Variants in PHACTR1 observed in about 807,000 individuals in gnomAD.
The protein encoded by PHACTR1 is phosphatase and actin regulator 1.
A neutral mutation model predicts 69.2 loss-of-function variants in PHACTR1; 16 were observed. That is an observed-to-expected ratio of 0.23 (90% CI 0.16 to 0.35). The LOEUF (loss-of-function observed/expected upper bound fraction) is 0.35. Among genes scored for constraint, PHACTR1 ranks in the 10% least tolerant of loss-of-function variants. PHACTR1 has a pLI of 1.00. For missense variants in PHACTR1, 510 were observed against 734.7 expected (o/e 0.69, Z 3.54); for synonymous variants, 312 against 284.5 (o/e 1.10, Z -0.97).
chr6:12,803,732 G>C (rs546519903), intron 4 of PHACTR1, among the ~76,000 whole-genome samples: 36 of 152,302 alleles, frequency 2.4e-4, no homozygotes, highest in African/African-American at 7.9e-4. Flanking sequence ...TTTGGTGAAG[G>C]AGTGGAGCTG....
At chr6:12,915,147 G>A (rs1290943749) in intron 4 of PHACTR1, among the ~76,000 whole-genome samples, 1 of 152,120 alleles carries the variant, frequency 6.6e-6, no homozygotes, top group Non-Finnish European at 1.5e-5. Flanking sequence ...GGAGCCTTTG[G>A]ATGTCCACAC....
intron 4 of PHACTR1, among the ~76,000 whole-genome samples, chr6:12,995,115 A>G (rs572365509): frequency 1.3e-5 from 2 of 152,294 alleles, no homozygotes; most frequent in African/African-American, 4.8e-5. Context: ...GGGTGGGATT[A>G]CAGACAAGGT....
chr6:12,864,155 A>G (rs1180120094), intron 4 of PHACTR1, among the ~76,000 whole-genome samples: 1 of 152,172 alleles, frequency 6.6e-6, no homozygotes, highest in Non-Finnish European at 1.5e-5. Context: ...GTCAATCACA[A>G]ATAAGGAAGC....
intron 7 of PHACTR1, among the ~76,000 whole-genome samples, chr6:13,204,449 C>T (rs1291797339): frequency 6.6e-6 from 1 of 152,132 alleles, no homozygotes; most frequent in Non-Finnish European, 1.5e-5. Context: ...CCATGCTTCT[C>T]CCAGGCAAGC....
chr6:13,022,280 G>A (rs1380714547), intron 4 of PHACTR1, among the ~76,000 whole-genome samples: 3 of 152,294 alleles, frequency 2.0e-5, no homozygotes, highest in South Asian at 2.1e-4. Context: ...GGGGACCTCC[G>A]ACGCCTCTAC....
intron 4 of PHACTR1, among the ~76,000 whole-genome samples, chr6:12,860,564 A>G (rs1047804012): frequency 6.6e-6 from 1 of 152,202 alleles, no homozygotes; most frequent in Non-Finnish European, 1.5e-5. Context: ...TCCTTGAAGA[A>G]TCACCACACT....
chr6:12,969,974 C>CA (rs1203262018), intron 4 of PHACTR1, among the ~76,000 whole-genome samples: 1 of 152,070 alleles, frequency 6.6e-6, no homozygotes, highest in Non-Finnish European at 1.5e-5. Flanking sequence ...AAACAAAAAA[C>CA]AAAAAACAAA....
rs539465490 is a variant in PHACTR1 at position 12,928,991 on chromosome 6, G to A, written c.251-124374G>A. Among the ~76,000 whole-genome samples the A allele has an allele frequency of 2.8e-4, 43 of 152,276 alleles. 1 individual carries two copies. In the East Asian group the frequency reaches 6.6e-3, roughly 23 times the overall value. On this transcript the variant is annotated intron_variant, in intron 4 of 14. Coordinates refer to ENST00000332995, the MANE Select transcript of PHACTR1 (RefSeq NM_030948.6). ...ATTGGTGTTTTTTCAAAGATCTCCA[G>A]GCAATTCCAATGTGCAGCAAAGTTT...
At chr6:12,863,844 G>A (rs963023855) in intron 4 of PHACTR1, among the ~76,000 whole-genome samples, 4 of 152,112 alleles carry the variant, frequency 2.6e-5, no homozygotes, top group East Asian at 1.9e-4. Context: ...GTGTGTGTGT[G>A]TAGATCCACA....
intron 8 of PHACTR1, among the ~76,000 whole-genome samples, chr6:13,211,157 G>A (rs1766776517): frequency 6.6e-6 from 1 of 151,912 alleles, no homozygotes; most frequent in Non-Finnish European, 1.5e-5. Context: ...GGAAACAGGT[G>A]GTTTTTGGTT....
At chr6:13,104,419 GT>G (rs1298061185) in intron 5 of PHACTR1, among the ~76,000 whole-genome samples, 2 of 152,178 alleles carry the variant, frequency 1.3e-5, no homozygotes, top group Non-Finnish European at 2.9e-5. Flanking sequence ...TGAACTCCTT[GT>G]TTGCTTTAAG....
chr6:13,214,654 G>C (rs977045781), intron 8 of PHACTR1, among the ~76,000 whole-genome samples: 5 of 152,208 alleles, frequency 3.3e-5, no homozygotes, highest in Non-Finnish European at 7.3e-5. Flanking sequence ...GAGCAATCAT[G>C]TAAGGAGGAG....
rs188719429 is a variant in PHACTR1, at chr6:13,214,624, C to T, written c.986+8488C>T. Among the ~76,000 whole-genome samples the T allele has an allele frequency of 1.1e-4, 17 of 152,230 alleles. No individual in the cohort carries two copies. The East Asian group carries it at 1.2e-3, about 10-fold the overall frequency. ...CTGAAAGTTAACTTCCAGAATTTTA[C>T]GCTGAGACCTGAAAAATAGGAGCAA... On this transcript the variant is annotated intron_variant, in intron 8 of 14. Transcript: ENST00000332995.
chr6:13,148,499 G>A (rs1823792702), intron 5 of PHACTR1, among the ~76,000 whole-genome samples: 1 of 152,114 alleles, frequency 6.6e-6, no homozygotes. Flanking sequence ...CAGCTGGTTT[G>A]TTCAAACTAA....
chr6:12,983,497 T>C (rs1582823080), intron 4 of PHACTR1, among the ~76,000 whole-genome samples: 1 of 152,272 alleles, frequency 6.6e-6, no homozygotes, highest in East Asian at 1.9e-4. Flanking sequence ...TAATGTTAAG[T>C]AGAGGGTAGG....
intron 10 of PHACTR1, among the ~76,000 whole-genome samples, chr6:13,235,248 C>T (rs1771813002): frequency 6.6e-6 from 1 of 152,156 alleles, no homozygotes; most frequent in Non-Finnish European, 1.5e-5. Flanking sequence ...CTCTCTAGAT[C>T]TCCTCTTGGG....
At chr6:13,057,135 A>G (rs1343542884) in intron 5 of PHACTR1, among the ~76,000 whole-genome samples, 2 of 152,228 alleles carry the variant, frequency 1.3e-5, no homozygotes, top group African/African-American at 4.8e-5. Context: ...TAGCTAGAAA[A>G]GAAGAATTGG....
intron 6 of PHACTR1, among the ~76,000 whole-genome samples, chr6:13,169,280 A>AT (rs1168061282): frequency 6.6e-6 from 1 of 152,100 alleles, no homozygotes; most frequent in Non-Finnish European, 1.5e-5. Flanking sequence ...CATTGTGATG[A>AT]TTTGTCCCCA....
At position 13,051,389 on chromosome 6, in the gene PHACTR1, C is replaced by G. The variant is rs1805918982; in HGVS notation, c.251-1976C>G. Reference sequence around the variant, plus strand: ...ACCAGTTTCCCATTTTCAAATTTTCCTTGTCCCTCTGCTCAGAGGATGAAC... The same window carrying G: ...ACCAGTTTCCCATTTTCAAATTTTCGTTGTCCCTCTGCTCAGAGGATGAAC... On this transcript the variant is annotated intron_variant, in intron 4 of 14. Coordinates refer to ENST00000332995, the MANE Select transcript of PHACTR1 (RefSeq NM_030948.6). Among the ~76,000 whole-genome samples, 3 of 152,302 alleles carry G rather than the reference C, an allele frequency of 2.0e-5. No homozygotes were observed. The South Asian group carries it at 6.2e-4, about 32-fold the overall frequency.
Sources: gnomAD v4.1 joint callset for allele counts (sites outside exome capture counted in the v4.1 genomes callset) on GRCh38, gnomAD v4.1.1 for gene constraint, MANE v1.5 for transcripts, NCBI Gene and HGNC (gene_info 2026-07-23, HGNC 2026-07-21) for gene names.